KLHL8: variants seen among roughly 807,000 people sequenced by gnomAD.
KLHL8 encodes kelch-like protein 8.
A neutral mutation model predicts 63.5 loss-of-function variants in KLHL8; 38 were observed. That is an observed-to-expected ratio of 0.60 (90% CI 0.46 to 0.78). The LOEUF is 0.78. Among genes scored for constraint, KLHL8 ranks in the 30% least tolerant of loss-of-function variants. KLHL8 has a pLI of 0.00. For synonymous variants in KLHL8, 224 were observed against 254.3 expected (o/e 0.88, Z 1.13); for missense variants, 566 against 752.4 (o/e 0.75, Z 2.90).
chr4:87,170,118 T>C lies in KLHL8; in HGVS notation c.1498A>G (p.Asn500Asp), dbSNP rs376303050. ...CAACCATGAAGCTTGCTAACTCCAT[T>C]GCCTGCTCTTCGCTGACCCATTTCT... is the stretch of plus-strand genomic sequence containing the variant. ...VKEMGQRRAG[N>D]GVSKLHGCLY... The change falls in exon 8 of 10, where the codon AAT becomes GAT. Residue 500 changes from asparagine (N) to aspartate (D), a missense_variant. Physicochemically the swap from Asn to Asp is conservative, Grantham distance 23 (BLOSUM62 1). Coordinates refer to ENST00000273963, the MANE Select transcript of KLHL8 (RefSeq NM_020803.5). The C allele has an allele frequency of 2.0e-5, 33 of 1,614,020 alleles. No homozygotes were observed. Among genetic ancestry groups the C allele is most frequent in the Non-Finnish European group, 2.7e-5 (32 of 1,180,000 alleles).
At chr4:87,195,874 G>C (rs934155515) in intron 1 of KLHL8, among the ~76,000 whole-genome samples, 184 bp from the exon 2 acceptor site, 2 of 152,058 alleles carry the variant, frequency 1.3e-5, no homozygotes, top group African/African-American at 4.8e-5. Flanking sequence ...TATCAATAAA[G>C]GAACTCCTTT....
upstream of KLHL8, among the ~76,000 whole-genome samples, chr4:87,223,237 G>A (rs1249678792): frequency 6.6e-6 from 1 of 151,966 alleles, no homozygotes. Flanking sequence ...GCCTCCCAAA[G>A]TGCTGGGATT....
chr4:87,176,024 A>T (rs1578365718), intron 6 of KLHL8, among the ~76,000 whole-genome samples: 1 of 152,360 alleles, frequency 6.6e-6, no homozygotes. Flanking sequence ...AGGCAATACA[A>T]TTAGACAAGA....
chr4:87,231,899 A>C (rs551791870), intron 1 of KLHL8, among the ~76,000 whole-genome samples: 23 of 152,092 alleles, frequency 1.5e-4, no homozygotes, highest in Non-Finnish European at 2.9e-4. Context: ...TGCCCGGTTG[A>C]TTGTCCACTT....
intron 5 of KLHL8, 108 bp downstream of exon 5, chr4:87,178,369 A>G: frequency 8.3e-7 from 1 of 1,198,752 alleles, no homozygotes; most frequent in Non-Finnish European, 1.2e-6. Context: ...TTATTTAAAA[A>G]TAATTTACAA....
chr4:87,187,227 GTGT>G lies in KLHL8; in HGVS notation c.217-1431_217-1429del, dbSNP rs1344856661. On this transcript the variant is annotated intron_variant, in intron 2 of 9. Coordinates refer to ENST00000273963, the MANE Select transcript of KLHL8 (RefSeq NM_020803.5). ...TTACAGTATTTGCACCATATCTTGAGTGTTGTTATTGTTGTTGTTGTTGTACAA... is the reference window on the plus strand; with the variant it reads ...TTACAGTATTTGCACCATATCTTGAGTGTTATTGTTGTTGTTGTTGTACAA... Among the ~76,000 whole-genome samples the G allele has an allele frequency of 2.6e-5, 4 of 152,138 alleles. No homozygotes were observed. The East Asian group carries it at 7.7e-4, about 29-fold the overall frequency.
chr4:87,187,119 T>C (rs1407496676), intron 2 of KLHL8, among the ~76,000 whole-genome samples: 1 of 152,192 alleles, frequency 6.6e-6, no homozygotes, highest in Non-Finnish European at 1.5e-5. Flanking sequence ...AACAGATAAA[T>C]TATTGTAAGT....
intron 1 of KLHL8, chr4:87,207,455 A>C: frequency 2.7e-6 from 2 of 728,014 alleles, no homozygotes; most frequent in Non-Finnish European, 5.0e-6. Context: ...ATCTCTCCCC[A>C]CTTTGTTGAC....
intron 1 of KLHL8, among the ~76,000 whole-genome samples, chr4:87,219,345 A>C (rs1461454812): frequency 1.3e-5 from 2 of 152,226 alleles, no homozygotes; most frequent in Admixed American, 1.3e-4. Context: ...GAGAATAAAG[A>C]ACACCAAGAG....
chr4:87,185,127 T>C lies in KLHL8; in HGVS notation c.765+124A>G, dbSNP rs1731200040. ...ATTAGAGAGCTAAAAGCCATTTCTATTATTTATTACATCAATAATTTCTAT... is the reference window on the plus strand; with the variant it reads ...ATTAGAGAGCTAAAAGCCATTTCTACTATTTATTACATCAATAATTTCTAT... On this transcript the variant is annotated intron_variant, in intron 3 of 9. Transcript: ENST00000273963. 6 of 951,438 alleles carry C rather than the reference T, an allele frequency of 6.3e-6. No individual in the cohort carries two copies. In the East Asian group the frequency reaches 1.6e-4, roughly 25 times the overall value. 58.9% of individuals were successfully genotyped at this position (951,438 alleles called of 1,614,324 possible).
chr4:87,205,753 T>G (rs913715506), intron 1 of KLHL8, among the ~76,000 whole-genome samples: 3 of 152,140 alleles, frequency 2.0e-5, no homozygotes, highest in Admixed American at 6.6e-5. Context: ...CCTGAGCCAC[T>G]GCACCCAGGA....
At chr4:87,181,967 G>A (rs1324699714) in intron 4 of KLHL8, among the ~76,000 whole-genome samples, 1 of 151,984 alleles carries the variant, frequency 6.6e-6, no homozygotes, top group East Asian at 1.9e-4. Context: ...GATGACTCAC[G>A]CCTGTAATCC....
At chr4:87,184,911 AATAATT>A (rs1303057830) in intron 3 of KLHL8, among the ~76,000 whole-genome samples, 11 of 152,218 alleles carry the variant, frequency 7.2e-5, no homozygotes, top group Non-Finnish European at 1.3e-4. Flanking sequence ...ATTATAAAAC[AATAATT>A]ATAAAGTATA....
rs577999761 is a variant in KLHL8, at chr4:87,164,984, T to TA, written c.1538-906dup. ...TAACACGGTGAAACCCCGTCTCTAC[T>TA]AAAAATACAAAAAAATTAGCTGGGC... On this transcript the variant is annotated intron_variant, in intron 8 of 9. Coordinates refer to ENST00000273963, the MANE Select transcript of KLHL8 (RefSeq NM_020803.5). Among the ~76,000 whole-genome samples, 504 of 151,672 alleles carry TA rather than the reference T, an allele frequency of 3.3e-3. 2 individuals are homozygous for TA. The highest frequency in any genetic ancestry group is 0.029 in the South Asian group (137 of 4,806).
chr4:87,200,216 A>G (rs1485887094), intron 1 of KLHL8, among the ~76,000 whole-genome samples: 1 of 151,782 alleles, frequency 6.6e-6, no homozygotes, highest in Non-Finnish European at 1.5e-5. Context: ...TGATATATAA[A>G]TGGCCAAGAA....
In KLHL8 at chr4:87,161,787, T is replaced by C. The variant is rs1487623304; in HGVS notation, c.*1732A>G. 1 of 144,306 alleles carries C rather than the reference T, an allele frequency of 6.9e-6. No homozygotes were observed. The highest frequency in any genetic ancestry group is 1.5e-5 in the Non-Finnish European group (1 of 67,908). The allele number at this position is 144,306 out of a possible 1,614,324, so 8.9% of individuals were successfully genotyped here. ...CTCTGGACTGACTGAAATATGGTTGTACTTACACAAAAGAACACTGGTTCA... is the reference window on the plus strand; with the variant it reads ...CTCTGGACTGACTGAAATATGGTTGCACTTACACAAAAGAACACTGGTTCA... On this transcript the variant is annotated 3_prime_UTR_variant, in exon 10 of 10. Transcript: ENST00000273963.
intron 8 of KLHL8, among the ~76,000 whole-genome samples, chr4:87,164,373 GAAAAA>G (rs200509459): frequency 7.0e-6 from 1 of 143,288 alleles, no homozygotes; most frequent in South Asian, 2.2e-4. Flanking sequence ...CAGAGAAAAA[GAAAAA>G]AAAAACACAA....
intron 2 of KLHL8, among the ~76,000 whole-genome samples, chr4:87,187,090 TCA>T (rs1731290587): frequency 6.6e-6 from 1 of 152,334 alleles, no homozygotes; most frequent in East Asian, 1.9e-4. Context: ...AAATCGTTAT[TCA>T]CATTCTCTAT....
At chr4:87,170,934 G>A (rs1050649688) in intron 6 of KLHL8, among the ~76,000 whole-genome samples, 2 of 152,052 alleles carry the variant, frequency 1.3e-5, no homozygotes, top group Non-Finnish European at 2.9e-5. Context: ...CACACACAGC[G>A]GCATAACTGA....
Sources: gnomAD v4.1 joint callset for allele counts (sites outside exome capture counted in the v4.1 genomes callset) on GRCh38, gnomAD v4.1.1 for gene constraint, MANE v1.5 for transcripts, NCBI Gene and HGNC (gene_info 2026-07-23, HGNC 2026-07-21) for gene names.